Variants in BPNT2 observed in about 807,000 individuals in gnomAD.
BPNT2 encodes the protein Golgi-resident adenosine 3',5'-bisphosphate 3'-phosphatase.
BPNT2 carries 11 observed loss-of-function variants against 29.3 expected under a neutral mutation model. The observed-to-expected ratio is 0.38, with a 90% CI of 0.24 to 0.62. The LOEUF is 0.62. Ranked by LOEUF, BPNT2 falls within the 20% of genes least tolerant of loss-of-function variation. The probability of loss-of-function intolerance (pLI) is 0.62; values close to 1 mark genes in which losing one functional copy is unlikely to be tolerated. For missense variants in BPNT2, 459 were observed against 473.4 expected (o/e 0.97, Z 0.28); for synonymous variants, 195 against 187.7 (o/e 1.04, Z -0.32).
At chr8:56,968,741 AT>A (rs997937557) in intron 3 of BPNT2, among the ~76,000 whole-genome samples, 2 of 152,240 alleles carry the variant, frequency 1.3e-5, no homozygotes, top group South Asian at 4.1e-4. Flanking sequence ...TACATGGGAA[AT>A]TTGCCCAGAA....
chr8:56,972,535 T>G (rs932094443), intron 3 of BPNT2, among the ~76,000 whole-genome samples: 1 of 152,144 alleles, frequency 6.6e-6, no homozygotes, highest in Non-Finnish European at 1.5e-5. Context: ...TATCTCATAT[T>G]GAAAATGCAG....
At chr8:56,982,727 G>C (rs954032601) in intron 1 of BPNT2, among the ~76,000 whole-genome samples, 2 of 152,116 alleles carry the variant, frequency 1.3e-5, no homozygotes, top group African/African-American at 4.8e-5. Flanking sequence ...CTGTTAGAGA[G>C]TAGTGGAAGG....
In BPNT2 at chr8:56,961,147, A is replaced by AT. The variant is rs1469009976; in HGVS notation, c.*2645dup. On this transcript the variant is annotated 3_prime_UTR_variant, in exon 5 of 5. Transcript: ENST00000262644. ...CTACTAAATGTGGTGCATAAAAGTC[A>AT]TATTTTAAGAAAAATTGCCTCAAAA... 1.3e-5 allele frequency: 2 copies of AT among 152,228 alleles called. No homozygotes were observed. Among genetic ancestry groups the AT allele is most frequent in the Admixed American group, 6.5e-5 (1 of 15,290 alleles). The allele number at this position is 152,228 out of a possible 1,614,324, so 9.4% of individuals were successfully genotyped here.
chr8:56,993,782 G>C lies in BPNT2; in HGVS notation c.-197C>G. The C allele has an allele frequency of 4.3e-6, 3 of 697,550 alleles. No individual in the cohort carries two copies. The highest frequency in any genetic ancestry group is 5.3e-6 in the Non-Finnish European group (3 of 564,100). 43.2% of individuals were successfully genotyped at this position (697,550 alleles called of 1,614,324 possible). ...CCGCGAAGACCACCAACGCCGCCCC[G>C]CGCGCCTGACTCGCCAGGCAGCGCG... On this transcript the variant is annotated 5_prime_UTR_variant, in exon 1 of 5. Coordinates refer to ENST00000262644, the MANE Select transcript of BPNT2 (RefSeq NM_017813.5).
intron 3 of BPNT2, among the ~76,000 whole-genome samples, chr8:56,975,575 T>A (rs1163570391): frequency 6.6e-6 from 1 of 152,148 alleles, no homozygotes; most frequent in African/African-American, 2.4e-5. Flanking sequence ...ACAAAATAAT[T>A]GTAAGATACT....
intron 3 of BPNT2, among the ~76,000 whole-genome samples, chr8:56,969,369 A>G (rs1805997307): frequency 1.3e-5 from 2 of 152,214 alleles, no homozygotes; most frequent in African/African-American, 4.8e-5. Flanking sequence ...TTACAGGACA[A>G]GCTTTATCCA....
At position 56,963,618 on chromosome 8, in the gene BPNT2, T is replaced by A. The variant is rs1805881944; in HGVS notation, c.*175A>T. 1.6e-6 allele frequency: 1 copy of A among 642,942 alleles called. No homozygotes were observed. The highest frequency in any genetic ancestry group is 2.6e-5 in the East Asian group (1 of 37,738). The allele number at this position is 642,942 out of a possible 1,614,324, so 39.8% of individuals were successfully genotyped here. A position where few individuals can be genotyped will look rare whatever the true frequency, so the allele number is the denominator to read the frequency against. ...ATACTTGAGACACAAAGCAACCCATTTTCCCTGATTTTGCATTCTATTACA... is the reference window on the plus strand; with the variant it reads ...ATACTTGAGACACAAAGCAACCCATATTCCCTGATTTTGCATTCTATTACA... On this transcript the variant is annotated 3_prime_UTR_variant, in exon 5 of 5. Transcript: ENST00000262644.
intron 1 of BPNT2, among the ~76,000 whole-genome samples, chr8:56,985,175 A>C (rs1806309361): frequency 6.6e-6 from 1 of 152,064 alleles, no homozygotes; most frequent in African/African-American, 2.4e-5. Flanking sequence ...TATCTTGATC[A>C]GCTAGAACGT....
At chr8:56,990,414 A>G (rs1259473526) in intron 1 of BPNT2, among the ~76,000 whole-genome samples, 1 of 152,206 alleles carries the variant, frequency 6.6e-6, no homozygotes, top group African/African-American at 2.4e-5. Flanking sequence ...GGCTGGAGTT[A>G]CTATTACTTT....
At chr8:56,971,269 TAAAA>T (rs10551418) in intron 3 of BPNT2, among the ~76,000 whole-genome samples, 2 of 122,612 alleles carry the variant, frequency 1.6e-5, no homozygotes, top group African/African-American at 6.0e-5. Context: ...AAGATAAGCT[TAAAA>T]AAAAAAAAAA....
chr8:56,968,209 A>G (rs549038658), intron 3 of BPNT2, among the ~76,000 whole-genome samples: 9 of 152,226 alleles, frequency 5.9e-5, no homozygotes, highest in Non-Finnish European at 1.0e-4. Flanking sequence ...GGGAGCTCAT[A>G]TAACACAGAA....
chr8:56,979,948 C>A, intron 2 of BPNT2, 87 bp downstream of exon 2: 1 of 1,226,540 alleles, frequency 8.2e-7, no homozygotes, highest in Non-Finnish European at 1.2e-6. Context: ...ATCAGTGAGC[C>A]ACTATCACCT....
At chr8:56,988,160 A>G (rs996485646) in intron 1 of BPNT2, among the ~76,000 whole-genome samples, 4 of 152,208 alleles carry the variant, frequency 2.6e-5, no homozygotes, top group African/African-American at 7.2e-5. Flanking sequence ...AACATGCTGT[A>G]GTGTCTCATA....
intron 2 of BPNT2, 30 bp from the exon 3 acceptor site, chr8:56,978,175 C>T (rs1423557598): frequency 7.5e-7 from 1 of 1,325,306 alleles, no homozygotes; most frequent in Non-Finnish European, 1.1e-6. Context: ...ACAACACACA[C>T]AAATGTCAAA....
rs904501474 is a variant in BPNT2 at position 56,958,100 on chromosome 8, A to G, written c.*5693T>C. On this transcript the variant is annotated 3_prime_UTR_variant, in exon 5 of 5. Transcript: ENST00000262644. ...GCAAAACTTTTAAAAACAATTTAGT[A>G]TGTGGGGGGGTGATAATCATAAATA... 1.3e-5 allele frequency: 2 copies of G among 152,104 alleles called. No individual in the cohort carries two copies. Among genetic ancestry groups the G allele is most frequent in the South Asian group, 2.1e-4 (1 of 4,784 alleles). The allele number at this position is 152,104 out of a possible 1,614,324, so 9.4% of individuals were successfully genotyped here.
At chr8:56,993,177 C>T (rs1263002012) in intron 1 of BPNT2, 22 bp downstream of exon 1, 3 of 1,585,256 alleles carry the variant, frequency 1.9e-6, no homozygotes, top group Non-Finnish European at 2.6e-6. Context: ...CTCGAGTGGG[C>T]GCTCCGCCCG....
At chr8:56,977,532 T>C (rs1032741321) in intron 3 of BPNT2, among the ~76,000 whole-genome samples, 4 of 152,222 alleles carry the variant, frequency 2.6e-5, no homozygotes, top group African/African-American at 9.6e-5. Flanking sequence ...TGGGTTGTTA[T>C]GGTTAAACTG....
At chr8:56,972,371 G>T (rs1806053152) in intron 3 of BPNT2, among the ~76,000 whole-genome samples, 1 of 151,308 alleles carries the variant, frequency 6.6e-6, no homozygotes, top group Admixed American at 6.6e-5. Context: ...ACAGATTGAG[G>T]TCTGTAACTG....
chr8:56,990,798 C>A (rs144868955), intron 1 of BPNT2, among the ~76,000 whole-genome samples: 2,202 of 152,140 alleles, frequency 0.014, 46 homozygotes, highest in African/African-American at 0.049. Flanking sequence ...TCTAGGATAA[C>A]CCCTGGTATA....
Sources: allele counts gnomAD v4.1 joint callset (sites outside exome capture counted in the v4.1 genomes callset), GRCh38; gene constraint gnomAD v4.1.1; transcripts MANE v1.5; gene names NCBI Gene and HGNC (gene_info 2026-07-23, HGNC 2026-07-21).